The following SFMBT2 variants were observed in gnomAD, a reference collection of about 807,000 sequenced individuals.
SFMBT2 encodes the protein scm-like with four MBT domains protein 2.
SFMBT2 carries 38 observed loss-of-function variants against 110.1 expected under a neutral mutation model. That is an observed-to-expected ratio of 0.35 (90% confidence interval 0.27 to 0.45). The LOEUF is 0.45. Among genes scored for constraint, SFMBT2 ranks in the 20% least tolerant of loss-of-function variants. The pLI is 1.00. For missense variants in SFMBT2, 1,011 were observed against 1,094.9 expected (o/e 0.92, Z 1.08); for synonymous variants, 425 against 425.4 (o/e 1.00, Z 0.01).
chr10:7,242,365 G>A (rs1840458965), intron 9 of SFMBT2, among the ~76,000 whole-genome samples: 1 of 152,104 alleles, frequency 6.6e-6, no homozygotes, highest in Admixed American at 6.5e-5. Flanking sequence ...CCGCTACCAG[G>A]GGACACAGTC....
In SFMBT2 at chr10:7,248,580, G is replaced by T; in HGVS notation, c.940C>A (p.Pro314Thr). Residue 314 changes from proline (P) to threonine (T), a missense_variant, in exon 8 of 21, where the codon CCC (proline) becomes ACC (threonine). By Grantham distance (38) the Pro-to-Thr change is conservative (BLOSUM62 -1). Coordinates refer to ENST00000397167, the MANE Select transcript of SFMBT2 (RefSeq NM_001387889.1). ...ACCGACGCAGGAGAGATGTAAAAGG[G>T]CTCGCACATATTCACTGTCTCAAGC... is the stretch of plus-strand genomic sequence containing the variant. Reference protein sequence around the residue: ...MKLETVNMCEPFYISPASVTK... With the variant: ...MKLETVNMCETFYISPASVTK... The T allele has an allele frequency of 6.2e-7, 1 of 1,614,166 alleles. No homozygotes were observed. The highest frequency in any genetic ancestry group is 8.5e-7 in the Non-Finnish European group (1 of 1,180,016).
At chr10:7,185,593 G>A (rs1838376921) in intron 16 of SFMBT2, among the ~76,000 whole-genome samples, 1 of 152,164 alleles carries the variant, frequency 6.6e-6, no homozygotes, top group Non-Finnish European at 1.5e-5. Flanking sequence ...TCTGATAAGT[G>A]ACAGTGAGCT....
chr10:7,383,500 C>A (rs1845486496), intron 1 of SFMBT2, among the ~76,000 whole-genome samples: 1 of 152,190 alleles, frequency 6.6e-6, no homozygotes, highest in Non-Finnish European at 1.5e-5. Flanking sequence ...GAGCTATCCA[C>A]CTGTTGTATT....
At chr10:7,320,952 TA>T (rs1036329105) in intron 4 of SFMBT2, among the ~76,000 whole-genome samples, 1 of 152,054 alleles carries the variant, frequency 6.6e-6, no homozygotes, top group Non-Finnish European at 1.5e-5. Context: ...ATAAATCGTC[TA>T]AAAAAAACAC....
At chr10:7,200,030 G>A (rs1392096089) in intron 14 of SFMBT2, among the ~76,000 whole-genome samples, 1 of 152,172 alleles carries the variant, frequency 6.6e-6, no homozygotes, top group Non-Finnish European at 1.5e-5. Context: ...AATACTAACA[G>A]CAAGTGGAAA....
At chr10:7,225,733 G>GA (rs1423511693) in intron 10 of SFMBT2, among the ~76,000 whole-genome samples, 2 of 152,112 alleles carry the variant, frequency 1.3e-5, no homozygotes, top group Non-Finnish European at 2.9e-5. Flanking sequence ...TGCCATAGAA[G>GA]AAATCACTCT....
intron 4 of SFMBT2, chr10:7,286,465 A>T (rs1172018412): frequency 1.7e-6 from 1 of 604,668 alleles, no homozygotes; most frequent in Non-Finnish European, 2.1e-6. Flanking sequence ...GAGAATAAGT[A>T]GTCCCCTCCA....
intron 1 of SFMBT2, among the ~76,000 whole-genome samples, chr10:7,404,283 G>C (rs1345844308): frequency 6.6e-6 from 1 of 152,160 alleles, no homozygotes; most frequent in African/African-American, 2.4e-5. Context: ...TAGGAACCTA[G>C]AGTTGGAATT....
At chr10:7,276,773 A>G in intron 7 of SFMBT2, 119 bp downstream of exon 7, 1 of 680,430 alleles carries the variant, frequency 1.5e-6, no homozygotes, top group Non-Finnish European at 2.7e-6. Context: ...TGATCCGCCC[A>G]CCTCAGCCTC....
chr10:7,374,291 G>T (rs1212827658), intron 2 of SFMBT2, among the ~76,000 whole-genome samples: 1 of 151,900 alleles, frequency 6.6e-6, no homozygotes, highest in African/African-American at 2.4e-5. Context: ...AAGGAAACAC[G>T]CACATTGAGG....
intron 7 of SFMBT2, among the ~76,000 whole-genome samples, chr10:7,251,865 G>A (rs992749747): frequency 7.9e-5 from 12 of 152,120 alleles, no homozygotes; most frequent in Admixed American, 6.5e-5. Context: ...TGGTGCACGG[G>A]GACAAGCATG....
chr10:7,375,420 T>G (rs1001348572), intron 2 of SFMBT2, among the ~76,000 whole-genome samples: 1 of 152,180 alleles, frequency 6.6e-6, no homozygotes, highest in South Asian at 2.1e-4. Flanking sequence ...ATTGGCAGAT[T>G]CAGGGTGAAT....
At chr10:7,281,053 C>T (rs1289362366) in intron 6 of SFMBT2, among the ~76,000 whole-genome samples, 2 of 152,110 alleles carry the variant, frequency 1.3e-5, no homozygotes, top group African/African-American at 4.8e-5. Flanking sequence ...CCAGCCTGAG[C>T]AACATAGTGA....
intron 1 of SFMBT2, among the ~76,000 whole-genome samples, chr10:7,397,624 G>A (rs1487475112): frequency 6.6e-6 from 1 of 152,126 alleles, no homozygotes; most frequent in African/African-American, 2.4e-5. Context: ...TCTGAAAAGA[G>A]GTACCACCAA....
intron 9 of SFMBT2, among the ~76,000 whole-genome samples, chr10:7,243,242 C>A (rs1024585748): frequency 6.6e-6 from 1 of 152,224 alleles, no homozygotes; most frequent in African/African-American, 2.4e-5. Flanking sequence ...TTCTCAGACA[C>A]TTTCAAGTCT....
chr10:7,373,821 A>C (rs145289575), intron 2 of SFMBT2, among the ~76,000 whole-genome samples: 1 of 152,282 alleles, frequency 6.6e-6, no homozygotes, highest in Non-Finnish European at 1.5e-5. Context: ...GCGTGTGAGG[A>C]AGAAGAAGAG....
chr10:7,177,727 G>A (rs1344843055), intron 16 of SFMBT2, among the ~76,000 whole-genome samples: 5 of 152,146 alleles, frequency 3.3e-5, no homozygotes, highest in African/African-American at 4.8e-5. Context: ...CTATGGGCAC[G>A]GTGGGGCACT....
chr10:7,340,989 A>C (rs1843884214), intron 4 of SFMBT2, among the ~76,000 whole-genome samples: 1 of 152,164 alleles, frequency 6.6e-6, no homozygotes, highest in African/African-American at 2.4e-5. Context: ...ACTCTATAGA[A>C]CCAAATGCCA....
chr10:7,319,192 G>T (rs1157150733), intron 4 of SFMBT2, among the ~76,000 whole-genome samples: 1 of 152,192 alleles, frequency 6.6e-6, no homozygotes, highest in Admixed American at 6.5e-5. Flanking sequence ...CGCTGGCAAG[G>T]AAGTCACTAA....
Sources: allele counts gnomAD v4.1 joint callset (sites outside exome capture counted in the v4.1 genomes callset), GRCh38; gene constraint gnomAD v4.1.1; transcripts MANE v1.5; gene names NCBI Gene and HGNC (gene_info 2026-07-23, HGNC 2026-07-21).